TIAM1: variants seen among roughly 807,000 people sequenced by gnomAD.
TIAM1 encodes the protein rho guanine nucleotide exchange factor TIAM1.
TIAM1 carries 65 observed loss-of-function variants against 163.5 expected under a neutral mutation model. The observed-to-expected ratio is 0.40, with a 90% CI of 0.33 to 0.49. The LOEUF (loss-of-function observed/expected upper bound fraction) is 0.49, where lower values mean the gene tolerates loss of function less well. TIAM1 is among the 20% of genes least tolerant of loss of function. The pLI, the probability that TIAM1 is intolerant of heterozygous loss-of-function variation, is 0.77. For missense variants in TIAM1, 1,789 were observed against 2,044.7 expected (o/e 0.87, Z 2.41); for synonymous variants, 833 against 810.1 (o/e 1.03, Z -0.48).
chr21:31,336,758 A>G (rs917549346), intron 2 of TIAM1, among the ~76,000 whole-genome samples: 2 of 152,154 alleles, frequency 1.3e-5, no homozygotes, highest in African/African-American at 4.8e-5. Flanking sequence ...TGGCTGGGGC[A>G]GTCCAGAAAG....
intron 1 of TIAM1, among the ~76,000 whole-genome samples, chr21:31,522,093 A>T (rs1035633219): frequency 6.6e-6 from 1 of 151,704 alleles, no homozygotes; most frequent in Admixed American, 6.6e-5. Flanking sequence ...GGATGGTCTC[A>T]ATCTCCTGAC....
chr21:31,542,390 G>A (rs2048349341), intron 1 of TIAM1, among the ~76,000 whole-genome samples: 1 of 151,288 alleles, frequency 6.6e-6, no homozygotes, highest in Admixed American at 6.6e-5. Context: ...CCGCGCCACT[G>A]CACTCCAGCC....
intron 2 of TIAM1, among the ~76,000 whole-genome samples, chr21:31,292,251 T>A (rs2074050233): frequency 1.3e-5 from 2 of 152,222 alleles, no homozygotes; most frequent in Admixed American, 1.3e-4. Flanking sequence ...CATTTCTTTC[T>A]TTCCTCTTGT....
intron 1 of TIAM1, among the ~76,000 whole-genome samples, chr21:31,485,949 C>T (rs1164934005): frequency 1.3e-5 from 2 of 152,192 alleles, no homozygotes; most frequent in African/African-American, 4.8e-5. Context: ...TACGCCCTGC[C>T]TAACCACATG....
intron 6 of TIAM1, among the ~76,000 whole-genome samples, chr21:31,242,257 T>C (rs1027724338): frequency 2.6e-5 from 4 of 152,180 alleles, no homozygotes; most frequent in African/African-American, 9.7e-5. Flanking sequence ...CAGTGGCTCA[T>C]GCCTGTAATC....
At chr21:31,191,143 CA>C (rs1285044208) in intron 13 of TIAM1, among the ~76,000 whole-genome samples, 1 of 152,000 alleles carries the variant, frequency 6.6e-6, no homozygotes, top group Non-Finnish European at 1.5e-5. Flanking sequence ...GCTTATTAGC[CA>C]TGAGTGGCAG....
At chr21:31,541,141 A>C (rs568821478) in intron 1 of TIAM1, among the ~76,000 whole-genome samples, 2 of 152,216 alleles carry the variant, frequency 1.3e-5, no homozygotes, top group Admixed American at 6.5e-5. Context: ...TTTAGAAAAG[A>C]AAGCAAGCAA....
At chr21:31,284,802 T>C (rs890098896) in intron 2 of TIAM1, among the ~76,000 whole-genome samples, 1 of 151,724 alleles carries the variant, frequency 6.6e-6, no homozygotes, top group African/African-American at 2.4e-5. Context: ...AGGAATTTGG[T>C]TCTAATTCTC....
intron 6 of TIAM1, among the ~76,000 whole-genome samples, chr21:31,227,605 C>T (rs1399867703): frequency 2.0e-5 from 3 of 150,884 alleles, no homozygotes; most frequent in South Asian, 2.1e-4. Flanking sequence ...GGAGGAGAGG[C>T]GATAAAGAAA....
At chr21:31,468,722 G>A (rs996554213) in intron 1 of TIAM1, among the ~76,000 whole-genome samples, 1 of 152,222 alleles carries the variant, frequency 6.6e-6, no homozygotes, top group African/African-American at 2.4e-5. Context: ...CTTGCAGTGA[G>A]CCGAGATGGT....
At chr21:31,228,579 T>C (rs535919331) in intron 6 of TIAM1, among the ~76,000 whole-genome samples, 8 of 152,182 alleles carry the variant, frequency 5.3e-5, no homozygotes, top group Non-Finnish European at 1.0e-4. Context: ...ATATGTGGGA[T>C]AATCACACAA....
chr21:31,282,702 CCTCCGAA>C (rs1248118788), intron 2 of TIAM1, among the ~76,000 whole-genome samples: 5 of 152,354 alleles, frequency 3.3e-5, no homozygotes, highest in Non-Finnish European at 7.3e-5. Flanking sequence ...AAAACCAATC[CCTCCGAA>C]CAGATGAATG....
chr21:31,469,644 C>G (rs1489074244), intron 1 of TIAM1, among the ~76,000 whole-genome samples: 1 of 151,914 alleles, frequency 6.6e-6, no homozygotes, highest in African/African-American at 2.4e-5. Flanking sequence ...CTGGCTAACA[C>G]GGTGAAACCC....
rs186047997 is a variant in TIAM1 at position 31,196,281 on chromosome 21, G to C, written c.2494-976C>G. ...AAAAACAACAAATGTTGGTGAGGCT[G>C]CAGAGAGAAGGGAATGCTTTTCTTT... On this transcript the variant is annotated intron_variant, in intron 12 of 27. Transcript: ENST00000541036. Among the ~76,000 whole-genome samples, 95 of 151,738 alleles carry C rather than the reference G, an allele frequency of 6.3e-4. 1 individual carries two copies. In the East Asian group the frequency reaches 0.018, roughly 28 times the overall value.
At position 31,378,811 on chromosome 21, in the gene TIAM1, G is replaced by A. The variant is rs181629132; in HGVS notation, c.-368-39389C>T. Among the ~76,000 whole-genome samples, 4 of 152,266 alleles carry A rather than the reference G, an allele frequency of 2.6e-5. No individual in the cohort carries two copies. The East Asian group carries it at 7.7e-4, about 29-fold the overall frequency. On this transcript the variant is annotated intron_variant, in intron 2 of 28. Coordinates refer to the TIAM1 transcript ENST00000286827. ...ACTGCATCCGTACTGCATATGTACA[G>A]GCTTGTTTTGCTTGTCACTATTCCC... is the stretch of plus-strand genomic sequence containing the variant.
chr21:31,554,255 C>T (rs983740267), intron 1 of TIAM1, among the ~76,000 whole-genome samples: 13 of 152,144 alleles, frequency 8.5e-5, no homozygotes, highest in African/African-American at 3.1e-4. Context: ...GACACTCAGC[C>T]CCACTGCCTC....
At chr21:31,248,507 G>A (rs1347180366) in intron 5 of TIAM1, among the ~76,000 whole-genome samples, 18 of 152,022 alleles carry the variant, frequency 1.2e-4, no homozygotes, top group East Asian at 5.8e-4. Context: ...TAATCTGTAC[G>A]TTCTTCCGTT....
At chr21:31,271,203 G>A (rs2073040621) in intron 3 of TIAM1, among the ~76,000 whole-genome samples, 1 of 151,344 alleles carries the variant, frequency 6.6e-6, no homozygotes, top group Admixed American at 6.6e-5. Context: ...CTGAAAGGTT[G>A]TAGGTGGTCC....
At chr21:31,523,917 CAAAAAAA>C (rs376067896) in intron 1 of TIAM1, among the ~76,000 whole-genome samples, 2 of 92,250 alleles carry the variant, frequency 2.2e-5, no homozygotes, top group African/African-American at 8.4e-5. Flanking sequence ...GATTCCATCT[CAAAAAAA>C]AAAAAAAAAA....
Sources: gnomAD v4.1 joint callset for allele counts (sites outside exome capture counted in the v4.1 genomes callset) on GRCh38, gnomAD v4.1.1 for gene constraint, MANE v1.5 for transcripts, NCBI Gene and HGNC (gene_info 2026-07-23, HGNC 2026-07-21) for gene names.